The following DDX4 variants were observed in gnomAD, a reference collection of about 807,000 sequenced individuals.
The protein encoded by DDX4 is DEAD-box helicase 4, also known as probable ATP-dependent RNA helicase DDX4.
In DDX4, 25 loss-of-function variants were observed where a neutral mutation model predicts 100.0. The observed-to-expected ratio is 0.25, with a 90% CI of 0.18 to 0.35. The LOEUF is 0.35. Among genes scored for constraint, DDX4 ranks in the 10% least tolerant of loss-of-function variants. The pLI, the probability that DDX4 is intolerant of heterozygous loss-of-function variation, is 1.00. For synonymous variants in DDX4, 259 were observed against 275.7 expected (o/e 0.94, Z 0.60); for missense variants, 635 against 882.4 (o/e 0.72, Z 3.55).
chr5:55,761,055 C>G (rs1050006635), intron 4 of DDX4, among the ~76,000 whole-genome samples: 1 of 152,144 alleles, frequency 6.6e-6, no homozygotes, highest in Admixed American at 6.5e-5. Context: ...CTAAAAGATG[C>G]ATGATGTTTT....
chr5:55,753,155 GTT>G, intron 3 of DDX4, among the ~76,000 whole-genome samples: 1 of 152,198 alleles, frequency 6.6e-6, no homozygotes, highest in African/African-American at 2.4e-5. Context: ...TCTGATGGTA[GTT>G]TCTTTTGCTG....
At chr5:55,795,686 T>A (rs1010620837) in intron 17 of DDX4, among the ~76,000 whole-genome samples, 1 of 152,044 alleles carries the variant, frequency 6.6e-6, no homozygotes, top group Non-Finnish European at 1.5e-5. Flanking sequence ...AGTGGGAGGA[T>A]CTCTTGAGCC....
At chr5:55,785,929 A>ACC in intron 13 of DDX4, 58 bp downstream of exon 13, 1 of 1,240,842 alleles carries the variant, frequency 8.1e-7, no homozygotes, top group Non-Finnish European at 1.2e-6. Context: ...TTTAAAATAC[A>ACC]TTATGTAGTT....
chr5:55,770,504 CG>C (rs1741192825), intron 7 of DDX4, among the ~76,000 whole-genome samples: 1 of 152,074 alleles, frequency 6.6e-6, no homozygotes, highest in Admixed American at 6.5e-5. Context: ...GACAACAAAA[CG>C]TATGAAGAAT....
At chr5:55,815,774 CTTTT>C (rs67244556) in intron 21 of DDX4, among the ~76,000 whole-genome samples, 1 of 135,984 alleles carries the variant, frequency 7.4e-6, no homozygotes, top group African/African-American at 2.7e-5. Flanking sequence ...TTTTTCTTTT[CTTTT>C]TTTTTTTTTT....
At position 55,815,182 on chromosome 5, in the gene DDX4, C is replaced by T; in HGVS notation, c.1986+11C>T. 6.2e-7 allele frequency: 1 copy of T among 1,611,732 alleles called. No individual in the cohort carries two copies. The highest frequency in any genetic ancestry group is 1.1e-5 in the South Asian group (1 of 90,754). On this transcript the variant is annotated intron_variant, in intron 20 of 21. Coordinates refer to ENST00000505374, the MANE Select transcript of DDX4 (RefSeq NM_024415.3). ...AAAGTATTGACAGATGTAAGTTAAA[C>T]TTTTATGATGGAATGGATAGTTTTC...
chr5:55,773,555 C>T (rs574108913), intron 7 of DDX4, among the ~76,000 whole-genome samples: 5 of 152,194 alleles, frequency 3.3e-5, no homozygotes, highest in African/African-American at 1.2e-4. Flanking sequence ...TCCACCGATA[C>T]TAGTTATTAC....
Position 55,785,878 on chromosome 5 carries a change from G to A in DDX4, c.864+7G>A, listed in dbSNP as rs141872919. ...TGCACCACCAGCAATTCTGGTCAGT[G>A]TATTAATTGTTTCTGTATTAGCTAT... On this transcript the variant is annotated splice_region_variant and intron_variant, in intron 13 of 21. Coordinates refer to ENST00000505374, the MANE Select transcript of DDX4 (RefSeq NM_024415.3). The A allele has an allele frequency of 5.5e-5, 88 of 1,596,960 alleles. No homozygotes were observed. The East Asian group carries it at 1.9e-3, about 34-fold the overall frequency.
chr5:55,802,661 G>T (rs1453479864), intron 18 of DDX4, among the ~76,000 whole-genome samples: 2 of 152,174 alleles, frequency 1.3e-5, no homozygotes, highest in African/African-American at 4.8e-5. Context: ...TCTTCACAAG[G>T]CTTGGAGTCT....
intron 2 of DDX4, among the ~76,000 whole-genome samples, chr5:55,743,722 G>A (rs951182135): frequency 2.0e-5 from 3 of 152,096 alleles, no homozygotes; most frequent in Non-Finnish European, 4.4e-5. Flanking sequence ...GAGCCACCGC[G>A]CCCAACCAGT....
At chr5:55,746,033 A>G (rs371618749) in intron 2 of DDX4, 131 bp from the exon 3 acceptor site, 91 of 679,302 alleles carry the variant, frequency 1.3e-4, no homozygotes, top group East Asian at 1.3e-3. Context: ...AGTGATTTAG[A>G]AAACCTTACA....
At chr5:55,760,094 C>A in intron 3 of DDX4, 106 bp from the exon 4 acceptor site, 1 of 1,116,130 alleles carries the variant, frequency 9.0e-7, no homozygotes, top group Non-Finnish European at 1.2e-6. Context: ...TTTTTTACTG[C>A]TATATAAAAT....
At chr5:55,804,662 G>A (rs1743573523) in intron 18 of DDX4, among the ~76,000 whole-genome samples, 1 of 152,000 alleles carries the variant, frequency 6.6e-6, no homozygotes, top group Non-Finnish European at 1.5e-5. Context: ...TGAGGGCTCT[G>A]TTCTGTTCCA....
chr5:55,763,089 G>A (rs1232581837), intron 4 of DDX4, 86 bp from the exon 5 acceptor site: 26 of 885,252 alleles, frequency 2.9e-5, no homozygotes, highest in South Asian at 4.8e-5. Context: ...GTCTCTTTAC[G>A]CCAGAAATTC....
chr5:55,806,709 T>C (rs1461984480), intron 18 of DDX4, among the ~76,000 whole-genome samples: 1 of 152,230 alleles, frequency 6.6e-6, no homozygotes, highest in African/African-American at 2.4e-5. Flanking sequence ...ATAATTTCTG[T>C]TCTTTAACAT....
At chr5:55,799,565 G>C (rs1034664972) in intron 18 of DDX4, among the ~76,000 whole-genome samples, 11 of 151,998 alleles carry the variant, frequency 7.2e-5, no homozygotes, top group African/African-American at 2.7e-4. Flanking sequence ...TGTAGAGATG[G>C]GGTTTTTACC....
At position 55,766,276 on chromosome 5, in the gene DDX4, A is replaced by G. The variant is rs570731744; in HGVS notation, c.335-1605A>G. Among the ~76,000 whole-genome samples, 11 of 152,242 alleles carry G rather than the reference A, an allele frequency of 7.2e-5. No individual in the cohort carries two copies. The South Asian group carries it at 2.3e-3, about 32-fold the overall frequency. On this transcript the variant is annotated intron_variant, in intron 6 of 21. Transcript: ENST00000505374. ...GTTTTATTCATAAGAAGTTGCAAAA[A>G]TAGTACAGAGGTTTTTCATGTACCC...
chr5:55,804,044 G>A (rs1034261572), intron 18 of DDX4, among the ~76,000 whole-genome samples: 3 of 151,308 alleles, frequency 2.0e-5, no homozygotes, highest in African/African-American at 7.3e-5. Flanking sequence ...TCTCATTGTG[G>A]TTTTGATTTG....
chr5:55,808,121 G>T (rs1319372819), intron 18 of DDX4, among the ~76,000 whole-genome samples: 2 of 152,100 alleles, frequency 1.3e-5, no homozygotes, highest in Non-Finnish European at 2.9e-5. Flanking sequence ...GGCTACTGAG[G>T]CTTGTGCATT....
Sources: gnomAD v4.1 joint callset for allele counts (sites outside exome capture counted in the v4.1 genomes callset) on GRCh38, gnomAD v4.1.1 for gene constraint, MANE v1.5 for transcripts, NCBI Gene and HGNC (gene_info 2026-07-23, HGNC 2026-07-21) for gene names.